The following APBA2 variants were observed in gnomAD, a reference collection of about 807,000 sequenced individuals.
APBA2 encodes the protein amyloid-beta A4 precursor protein-binding family A member 2.
A neutral mutation model predicts 75.0 loss-of-function variants in APBA2; 30 were observed. That is an observed-to-expected ratio of 0.40 (90% CI 0.30 to 0.54). The LOEUF is 0.54. APBA2 is among the 20% of genes least tolerant of loss of function. The pLI, the probability that APBA2 is intolerant of heterozygous loss-of-function variation, is 0.49. For missense variants in APBA2, 801 were observed against 1,016.1 expected, an observed-to-expected ratio of 0.79 and a Z score of 2.88; for synonymous variants, 444 against 409.6, an observed-to-expected ratio of 1.08 and a Z score of -1.01.
chr15:28,901,179 C>T (rs879339816), intron 1 of APBA2, among the ~76,000 whole-genome samples: 5 of 152,226 alleles, frequency 3.3e-5, no homozygotes, highest in African/African-American at 4.8e-5. Flanking sequence ...ACTGCAGGCA[C>T]GCTTGGCTCT....
chr15:28,991,596 T>A lies in APBA2; in HGVS notation c.-94-4157T>A, dbSNP rs2038236599. 6.6e-6 allele frequency among the ~76,000 whole-genome samples: 1 copy of A among 152,152 alleles called. No homozygotes were observed. The highest frequency in any genetic ancestry group is 2.1e-4 in the South Asian group (1 of 4,832). ...GCTTTCCCTCATGAGATGGCGCTGA[T>A]CAGTCTGGGGGATACCTGCCTTTCA... On this transcript the variant is annotated intron_variant, in intron 2 of 14. Transcript: ENST00000683413. The surrounding 1 kb of genome is among the most constrained non-coding windows in gnomAD (Gnocchi z 4.7).
At chr15:28,974,657 A>G (rs2037240398) in intron 2 of APBA2, among the ~76,000 whole-genome samples, 1 of 152,240 alleles carries the variant, frequency 6.6e-6, no homozygotes, top group Non-Finnish European at 1.5e-5. Flanking sequence ...CTTCAATTTG[A>G]AGAGTTACAA....
intron 10 of APBA2, among the ~76,000 whole-genome samples, chr15:29,104,082 A>AAT (rs2044276688): frequency 6.6e-6 from 1 of 152,224 alleles, no homozygotes; most frequent in African/African-American, 2.4e-5. Flanking sequence ...GCGCGCTTCT[A>AAT]ATCCGGCCCA....
intron 1 of APBA2, among the ~76,000 whole-genome samples, chr15:28,912,834 T>C (rs924018564): frequency 6.6e-6 from 1 of 152,264 alleles, no homozygotes; most frequent in African/African-American, 2.4e-5. Flanking sequence ...GTACCTTGTT[T>C]GTATATTCAC....
intron 6 of APBA2, among the ~76,000 whole-genome samples, chr15:29,088,809 G>T (rs1259633337): frequency 6.6e-6 from 1 of 152,102 alleles, no homozygotes; most frequent in Non-Finnish European, 1.5e-5. Context: ...TCTGGCCAGC[G>T]CTTCCTCCCC....
Position 28,971,684 on chromosome 15 carries a change from G to A in APBA2, c.-94-24069G>A, listed in dbSNP as rs562824633. Among the ~76,000 whole-genome samples, 66 of 152,200 alleles carry A rather than the reference G, an allele frequency of 4.3e-4. 2 individuals are homozygous for A. Among genetic ancestry groups the A allele is most frequent in the African/African-American group, 1.5e-3 (61 of 41,534 alleles). Reference sequence around the variant, plus strand: ...ATCCACAAAGAAGAGCTCCTCTCAGGGGAGGAGGAGGTGGAAGAAGAGGAA... The same window carrying A: ...ATCCACAAAGAAGAGCTCCTCTCAGAGGAGGAGGAGGTGGAAGAAGAGGAA... On this transcript the variant is annotated intron_variant, in intron 2 of 14. Coordinates refer to ENST00000683413, the MANE Select transcript of APBA2 (RefSeq NM_001353788.2).
chr15:29,070,767 G>T (rs1010942767), intron 4 of APBA2: 5 of 260,080 alleles, frequency 1.9e-5, no homozygotes, highest in African/African-American at 1.1e-4. Flanking sequence ...GAGTTCTGGT[G>T]CTGTAGCGGG....
intron 2 of APBA2, among the ~76,000 whole-genome samples, chr15:28,928,639 C>G (rs1410159054): frequency 1.3e-5 from 2 of 152,166 alleles, no homozygotes; most frequent in African/African-American, 4.8e-5. Flanking sequence ...TCCTCCGTGG[C>G]TTTGCAACAA....
intron 3 of APBA2, among the ~76,000 whole-genome samples, chr15:29,019,224 CT>C (rs981567030): frequency 6.6e-6 from 1 of 152,230 alleles, no homozygotes; most frequent in Non-Finnish European, 1.5e-5. Context: ...CCCTTTCCCC[CT>C]CCTGTTCTGT....
At chr15:28,984,433 TAGCCACTGGGTGGCTGATAC>T (rs1176087127) in intron 2 of APBA2, among the ~76,000 whole-genome samples, 1 of 152,022 alleles carries the variant, frequency 6.6e-6, no homozygotes, top group Non-Finnish European at 1.5e-5. Flanking sequence ...AACCTAGGCT[TAGCCACTGGGTGGCTGATAC>T]TGCCACCCAG....
chr15:29,060,623 T>C lies in APBA2; in HGVS notation c.951+5788T>C, dbSNP rs184037704. 3.7e-4 allele frequency among the ~76,000 whole-genome samples: 57 copies of C among 152,194 alleles called. No individual in the cohort carries two copies. The East Asian group carries it at 0.01, about 28-fold the overall frequency. On this transcript the variant is annotated intron_variant, in intron 4 of 14. Coordinates refer to ENST00000683413, the MANE Select transcript of APBA2 (RefSeq NM_001353788.2). ...TGAGTGGGATACGGTGCCAGTGAGG[T>C]GACCAGTAGATACGGAAGCCTCCGG...
At chr15:28,887,583 C>T (rs141630060) in intron 1 of APBA2, among the ~76,000 whole-genome samples, 25,848 of 152,114 alleles carry the variant, frequency 0.17, 2,240 homozygotes, top group Middle Eastern at 0.21. Flanking sequence ...ATGCCCTGCC[C>T]TCTGTGCTGA....
intron 4 of APBA2, among the ~76,000 whole-genome samples, 159 bp from the exon 5 acceptor site, chr15:29,074,762 G>A (rs1458987600): frequency 6.6e-6 from 1 of 151,738 alleles, no homozygotes; most frequent in African/African-American, 2.4e-5. Flanking sequence ...TAAGTGCATA[G>A]CAGTTTAAGT....
intron 9 of APBA2, among the ~76,000 whole-genome samples, chr15:29,100,612 G>A (rs1370930495): frequency 5.9e-5 from 9 of 152,220 alleles, no homozygotes; most frequent in Non-Finnish European, 4.4e-5. Context: ...AGTCAGGTGG[G>A]CTACCTTGGT....
chr15:28,978,155 TGA>T (rs2152762608), intron 2 of APBA2, among the ~76,000 whole-genome samples: 1 of 152,338 alleles, frequency 6.6e-6, no homozygotes, highest in South Asian at 2.1e-4. Context: ...CACTACAAGA[TGA>T]GGGCCCTGTC....
Position 28,951,205 on chromosome 15 carries a change from A to G in APBA2, c.-95+29456A>G, listed in dbSNP as rs1387732749. ...ATTATAAATAATCTAGAAAGGATTT[A>G]AAATATATTGAAGAATGTGCATAGG... On this transcript the variant is annotated intron_variant, in intron 2 of 14. Transcript: ENST00000683413. Among the ~76,000 whole-genome samples, 11 of 152,358 alleles carry G rather than the reference A, an allele frequency of 7.2e-5. No homozygotes were observed. In the East Asian group the frequency reaches 1.5e-3, roughly 21 times the overall value.
At chr15:29,094,472 T>C (rs1257093071) in intron 8 of APBA2, among the ~76,000 whole-genome samples, 159 bp downstream of exon 8, 1 of 152,250 alleles carries the variant, frequency 6.6e-6, no homozygotes, top group Admixed American at 6.5e-5. Flanking sequence ...TGTTTGTAAA[T>C]GAAACTACAG....
chr15:28,932,627 G>T (rs961524844), intron 2 of APBA2, among the ~76,000 whole-genome samples: 1 of 152,214 alleles, frequency 6.6e-6, no homozygotes, highest in Non-Finnish European at 1.5e-5. Flanking sequence ...GTCCCATCTC[G>T]CCAGCAGAAG....
rs990901933 is a variant in APBA2, at chr15:29,046,054, G to T, written c.-40-7791G>T. Among the ~76,000 whole-genome samples, 1 of 152,160 alleles carries T rather than the reference G, an allele frequency of 6.6e-6. No homozygotes were observed. The highest frequency in any genetic ancestry group is 2.1e-4 in the South Asian group (1 of 4,820). On this transcript the variant is annotated intron_variant, in intron 3 of 14. Coordinates refer to ENST00000683413, the MANE Select transcript of APBA2 (RefSeq NM_001353788.2). This position sits in a 1 kb window ranked among gnomAD's most constrained non-coding sequence, Gnocchi z 5.0. The stretch of plus-strand genomic sequence containing the variant: ...TTTGAGAGTCTGGCAGCCCGGAAAG[G>T]TGGGATTTGGCAGCTATGTGGGACC...
Sources: gnomAD v4.1 joint callset for allele counts (sites outside exome capture counted in the v4.1 genomes callset) on GRCh38, gnomAD v4.1.1 for gene constraint, Gnocchi (gnomAD v3.1) non-coding constraint, MANE v1.5 for transcripts, NCBI Gene and HGNC (gene_info 2026-07-23, HGNC 2026-07-21) for gene names.